The following PTPN14 variants were observed in gnomAD, a reference collection of about 807,000 sequenced individuals.
PTPN14 encodes the protein protein tyrosine phosphatase non-receptor type 14.
PTPN14 carries 53 observed loss-of-function variants against 126.8 expected under a neutral mutation model. That is an observed-to-expected ratio of 0.42 (90% CI 0.34 to 0.53). The LOEUF is 0.53. PTPN14 is among the 20% of genes least tolerant of loss of function. The pLI is 0.08. For missense variants in PTPN14, 1,257 were observed against 1,552.9 expected, an observed-to-expected ratio of 0.81 and a Z score of 3.20; for synonymous variants, 630 against 599.3, an observed-to-expected ratio of 1.05 and a Z score of -0.75.
intron 1 of PTPN14, among the ~76,000 whole-genome samples, chr1:214,490,972 AG>A (rs1259673485): frequency 1.1e-4 from 7 of 63,508 alleles, no homozygotes; most frequent in African/African-American, 2.7e-4. Flanking sequence ...AAGGAAGGGA[AG>A]GAAAGGAAGG....
intron 17 of PTPN14, among the ~76,000 whole-genome samples, chr1:214,368,969 G>A (rs1201153056): frequency 1.3e-5 from 2 of 152,140 alleles, no homozygotes; most frequent in Admixed American, 6.5e-5. Flanking sequence ...GTGACAGAGC[G>A]AGACTCCGCC....
chr1:214,509,827 C>T (rs1034842217), intron 1 of PTPN14, among the ~76,000 whole-genome samples: 5 of 152,174 alleles, frequency 3.3e-5, no homozygotes, highest in Non-Finnish European at 4.4e-5. Flanking sequence ...GATGAGTTCA[C>T]GTCCTTTGTA....
chr1:214,405,494 A>G (rs888761920), intron 5 of PTPN14, among the ~76,000 whole-genome samples: 2 of 151,974 alleles, frequency 1.3e-5, no homozygotes, highest in Non-Finnish European at 2.9e-5. Flanking sequence ...CTTGAACTGA[A>G]CTCACTATGC....
At chr1:214,507,054 C>T (rs1441994319) in intron 1 of PTPN14, among the ~76,000 whole-genome samples, 1 of 151,860 alleles carries the variant, frequency 6.6e-6, no homozygotes, top group Non-Finnish European at 1.5e-5. Flanking sequence ...ATATCACCTG[C>T]TTTCTTTACC....
At position 214,352,004 on chromosome 1, in the gene PTPN14, A is replaced by G. The variant is rs1049219169; in HGVS notation, c.*5918T>C. 2 of 152,210 alleles carry G rather than the reference A, an allele frequency of 1.3e-5. No homozygotes were observed. The highest frequency in any genetic ancestry group is 4.8e-5 in the African/African-American group (2 of 41,448). 9.4% of individuals were successfully genotyped at this position (152,210 alleles called of 1,614,324 possible). A position where few individuals can be genotyped will look rare whatever the true frequency, so the allele number is the denominator to read the frequency against. ...GGGAAAGAATGATCCTGATGGCCCA[A>G]AGTGTGGCAGAAGGAGCAATGACTT... On this transcript the variant is annotated 3_prime_UTR_variant, in exon 19 of 19. Transcript: ENST00000366956.
intron 13 of PTPN14, among the ~76,000 whole-genome samples, chr1:214,379,033 T>C (rs1658411180): frequency 6.6e-6 from 1 of 152,226 alleles, no homozygotes; most frequent in South Asian, 2.1e-4. Context: ...TCCTTGAAAC[T>C]AACCGAGTAT....
chr1:214,515,939 A>G (rs1324551028), intron 1 of PTPN14, among the ~76,000 whole-genome samples: 1 of 152,206 alleles, frequency 6.6e-6, no homozygotes, highest in Admixed American at 6.5e-5. Context: ...TTTTCCTGGA[A>G]AAACTGCAAT....
intron 3 of PTPN14, among the ~76,000 whole-genome samples, chr1:214,424,844 C>T (rs1189595163): frequency 6.6e-6 from 1 of 151,016 alleles, no homozygotes; most frequent in African/African-American, 2.4e-5. Flanking sequence ...ACACCGTGCC[C>T]GGCCCGCCCA....
intron 1 of PTPN14, among the ~76,000 whole-genome samples, chr1:214,507,696 C>T (rs1654875598): frequency 2.6e-5 from 4 of 152,096 alleles, no homozygotes; most frequent in Non-Finnish European, 5.9e-5. Flanking sequence ...TGGCTCCATA[C>T]CACTGCGATA....
intron 4 of PTPN14, among the ~76,000 whole-genome samples, chr1:214,413,470 A>T (rs1659355110): frequency 6.6e-6 from 1 of 152,196 alleles, no homozygotes; most frequent in Non-Finnish European, 1.5e-5. Flanking sequence ...AGACACTTAA[A>T]TCTGAGATGA....
chr1:214,532,989 G>C, intron 1 of PTPN14: 5 of 762,480 alleles, frequency 6.6e-6, no homozygotes, highest in Admixed American at 1.7e-5. Flanking sequence ...ACAAGTGCTG[G>C]TCTGAGCGGA....
chr1:214,424,208 T>C (rs564926067), intron 3 of PTPN14, among the ~76,000 whole-genome samples: 26 of 151,106 alleles, frequency 1.7e-4, no homozygotes, highest in African/African-American at 4.9e-4. Flanking sequence ...AGGCAGAGAA[T>C]TGCCTGAACT....
intron 1 of PTPN14, among the ~76,000 whole-genome samples, chr1:214,527,962 C>A (rs1655442469): frequency 6.6e-6 from 1 of 152,198 alleles, no homozygotes; most frequent in Non-Finnish European, 1.5e-5. Context: ...CAGCTTCTCT[C>A]TAAAGTCACT....
intron 1 of PTPN14, among the ~76,000 whole-genome samples, chr1:214,519,637 G>A (rs190313062): frequency 4.6e-5 from 7 of 152,208 alleles, no homozygotes; most frequent in South Asian, 2.1e-4. Flanking sequence ...AGAGATAATC[G>A]CTTGCATATA....
chr1:214,391,084 A>T, intron 10 of PTPN14, 39 bp from the exon 11 acceptor site: 1 of 1,467,130 alleles, frequency 6.8e-7, no homozygotes, highest in Non-Finnish European at 9.4e-7. Context: ...GGTTATTATT[A>T]TTGATATAAA....
chr1:214,407,315 A>C (rs952764060), intron 5 of PTPN14, among the ~76,000 whole-genome samples: 2 of 152,246 alleles, frequency 1.3e-5, no homozygotes, highest in African/African-American at 4.8e-5. Context: ...ACCTGAGGTT[A>C]GGAGTTCAAG....
Position 214,403,510 on chromosome 1 carries a change from T to C in PTPN14, c.511-557A>G, listed in dbSNP as rs553029032. 3.8e-4 allele frequency among the ~76,000 whole-genome samples: 58 copies of C among 152,228 alleles called. 1 individual carries two copies. The South Asian group carries it at 0.011, about 29-fold the overall frequency. ...TCCAGAGAGCTCTGTAAGGCAACAGTTGCGTAGCTGACTAGTCAGCATCTC... is the reference window on the plus strand; with the variant it reads ...TCCAGAGAGCTCTGTAAGGCAACAGCTGCGTAGCTGACTAGTCAGCATCTC... On this transcript the variant is annotated intron_variant, in intron 5 of 18. Coordinates refer to ENST00000366956, the MANE Select transcript of PTPN14 (RefSeq NM_005401.5).
chr1:214,378,039 A>G lies in PTPN14; in HGVS notation c.2608T>C (p.Leu870=). Residue 870 remains leucine, a synonymous_variant, in exon 14 of 19, where the codon TTG becomes CTG. Transcript: ENST00000366956. ...ACTCGAGCCACCGAGAGCCCATTCA[A>G]TGCTGCCAACATCAGCGGCCTCTTC... ...AQKRPLMLAA[L]NGLSVARVSG... 6.2e-7 allele frequency: 1 copy of G among 1,613,016 alleles called. No homozygotes were observed. Among genetic ancestry groups the G allele is most frequent in the Non-Finnish European group, 8.5e-7 (1 of 1,179,984 alleles).
In PTPN14 at chr1:214,436,764, G is replaced by T. The variant is rs189800919; in HGVS notation, c.344+15041C>A. On this transcript the variant is annotated intron_variant, in intron 3 of 18. Transcript: ENST00000366956. ...ATCGCACCATTGCACTCCAGCCTGG[G>T]CGACAGAGAAAGACTCCGTCTCAAA... 1.7e-4 allele frequency among the ~76,000 whole-genome samples: 22 copies of T among 130,566 alleles called. 1 individual carries two copies. The highest frequency in any genetic ancestry group is 1.5e-3 in the Admixed American group (19 of 12,442). 85.7% of individuals were successfully genotyped at this position (130,566 alleles called of 152,430 possible). A position where few individuals can be genotyped will look rare whatever the true frequency, so the allele number is the denominator to read the frequency against.
Sources: gnomAD v4.1 joint callset for allele counts (sites outside exome capture counted in the v4.1 genomes callset) on GRCh38, gnomAD v4.1.1 for gene constraint, MANE v1.5 for transcripts, NCBI Gene and HGNC (gene_info 2026-07-23, HGNC 2026-07-21) for gene names.